The following LRRC49 variants were observed in gnomAD, a reference collection of about 807,000 sequenced individuals.
LRRC49 encodes leucine-rich repeat-containing protein 49.
Under a neutral mutation model 83.3 loss-of-function variants are expected in LRRC49, and 50 were observed. The ratio of observed to expected loss-of-function variants is 0.60; its 90% CI spans 0.48 to 0.76. The LOEUF (loss-of-function observed/expected upper bound fraction) is 0.76, where lower values mean the gene tolerates loss of function less well. Ranked by LOEUF, LRRC49 falls within the 30% of genes least tolerant of loss-of-function variation. The probability of loss-of-function intolerance (pLI) is 0.00; values close to 1 mark genes in which losing one functional copy is unlikely to be tolerated. For missense variants in LRRC49, 704 were observed against 809.1 expected (o/e 0.87, Z 1.58); for synonymous variants, 286 against 283.3 (o/e 1.01, Z -0.10).
intron 9 of LRRC49, among the ~76,000 whole-genome samples, chr15:70,969,107 T>C (rs928980750): frequency 2.0e-5 from 3 of 152,222 alleles, no homozygotes; most frequent in African/African-American, 7.2e-5. Flanking sequence ...AGGGTTTTCA[T>C]GGTTTTAGGT....
intron 11 of LRRC49, among the ~76,000 whole-genome samples, chr15:70,998,581 A>G (rs79128091): frequency 6.6e-6 from 1 of 151,878 alleles, no homozygotes; most frequent in African/African-American, 2.4e-5. Flanking sequence ...CATTATGAGT[A>G]ACTTCTCTCT....
At chr15:70,920,216 C>T (rs559485773) in intron 7 of LRRC49, among the ~76,000 whole-genome samples, 1 of 152,250 alleles carries the variant, frequency 6.6e-6, no homozygotes, top group East Asian at 1.9e-4. Flanking sequence ...ATAAATGGTA[C>T]ACTTGAAAAG....
intron 8 of LRRC49, among the ~76,000 whole-genome samples, chr15:70,948,902 A>G (rs1386315135): frequency 6.6e-6 from 1 of 152,198 alleles, no homozygotes; most frequent in Non-Finnish European, 1.5e-5. Flanking sequence ...GGTATCATAT[A>G]CATGATTCTT....
chr15:70,898,256 T>C, intron 3 of LRRC49: 1 of 600,892 alleles, frequency 1.7e-6, no homozygotes, highest in Non-Finnish European at 3.0e-6. Flanking sequence ...TTTGAGATGC[T>C]ATTTGTATTG....
intron 11 of LRRC49, among the ~76,000 whole-genome samples, chr15:71,004,591 A>C (rs978462570): frequency 6.6e-6 from 1 of 151,634 alleles, no homozygotes; most frequent in African/African-American, 2.4e-5. Flanking sequence ...CGGAGGTTGC[A>C]GTGGGCTGAG....
At chr15:70,871,425 A>ACC (rs1261661864) in intron 1 of LRRC49, among the ~76,000 whole-genome samples, 1 of 150,090 alleles carries the variant, frequency 6.7e-6, no homozygotes, top group Admixed American at 6.6e-5. Flanking sequence ...ACTCGACAAA[A>ACC]CCCCCATCGT....
intron 8 of LRRC49, among the ~76,000 whole-genome samples, chr15:70,952,404 G>A (rs1223247277): frequency 6.6e-6 from 1 of 151,776 alleles, no homozygotes. Flanking sequence ...GCTTTTTTTG[G>A]TTGGTAGACT....
At chr15:70,882,226 G>T in intron 2 of LRRC49, 2 of 407,266 alleles carry the variant, frequency 4.9e-6, no homozygotes, top group Non-Finnish European at 8.7e-6. Context: ...CTACCAAAAG[G>T]ATTAAAAGAA....
At position 70,900,946 on chromosome 15, in the gene LRRC49, C is replaced by T. The variant is rs1350509227; in HGVS notation, c.218C>T (p.Ser73Leu). ...RQGDHINLVSSSLSSFPILQR... is the reference protein window; with the variant it reads ...RQGDHINLVSLSLSSFPILQR... Reference sequence around the variant, plus strand: ...GGTGATCATATTAATTTGGTGAGCTCATCATTGTCATCATTTCCTATTCTT... The same window carrying T: ...GGTGATCATATTAATTTGGTGAGCTTATCATTGTCATCATTTCCTATTCTT... Residue 73 changes from serine to leucine, a missense_variant, in exon 4 of 16, where the codon TCA becomes TTA. By Grantham distance (145) the Ser-to-Leu change is moderately radical. Around this residue, in one of 3 missense-constraint regions of LRRC49, gnomAD observed 261 missense variants for 330.5 expected, o/e 0.79. Transcript: ENST00000260382. The T allele has an allele frequency of 6.2e-7, 1 of 1,606,146 alleles. No individual in the cohort carries two copies. The highest frequency in any genetic ancestry group is 1.7e-5 in the Admixed American group (1 of 59,354).
At chr15:71,006,041 T>C (rs1567095119) in intron 11 of LRRC49, among the ~76,000 whole-genome samples, 1 of 152,186 alleles carries the variant, frequency 6.6e-6, no homozygotes, top group Non-Finnish European at 1.5e-5. Context: ...GCCTGTTTAC[T>C]AGGTGCTAGT....
intron 15 of LRRC49, among the ~76,000 whole-genome samples, chr15:71,048,120 C>T (rs1459798891): frequency 2.2e-5 from 3 of 134,148 alleles, no homozygotes; most frequent in African/African-American, 5.6e-5. Flanking sequence ...AGGTCTCACT[C>T]TGTTACTCAG....
intron 2 of LRRC49, among the ~76,000 whole-genome samples, chr15:70,886,159 A>C (rs910944726): frequency 5.3e-5 from 8 of 152,212 alleles, no homozygotes; most frequent in Non-Finnish European, 1.2e-4. Flanking sequence ...TAAAACTTGT[A>C]AGATTCAGTA....
At chr15:70,940,251 ATTTTTT>A (rs398027829) in intron 8 of LRRC49, among the ~76,000 whole-genome samples, 1 of 87,064 alleles carries the variant, frequency 1.1e-5, no homozygotes. Flanking sequence ...GAATATATGG[ATTTTTT>A]TTTTTTTTTT....
chr15:71,037,478 G>T, intron 15 of LRRC49, 146 bp downstream of exon 15: 1 of 570,480 alleles, frequency 1.8e-6, no homozygotes, highest in Non-Finnish European at 2.9e-6. Flanking sequence ...GCCAGGGACA[G>T]TAGGTACCCA....
At chr15:70,879,793 A>G (rs535006856) in intron 2 of LRRC49, among the ~76,000 whole-genome samples, 131 of 152,318 alleles carry the variant, frequency 8.6e-4, no homozygotes, top group African/African-American at 3.1e-3. Flanking sequence ...TTGACTGAAT[A>G]AGCTTTACAT....
rs1475927139 is a variant in LRRC49 at position 71,009,845 on chromosome 15, G to T, written c.1446G>T (p.Gln482His). ...AGGAAACAAATCTTGTAATGCTGCA[G>T]CAATTTAACGCACTAGCCCAACTCC... ...KFKETNLVMLQQFNALAQLRR... is the reference protein window; with the variant it reads ...KFKETNLVMLHQFNALAQLRR... The change falls in exon 13 of 16, where the codon CAG becomes CAT. Residue 482 changes from glutamine to histidine, a missense_variant. Physicochemically the swap from Gln to His is conservative, Grantham distance 24 (BLOSUM62 0). This residue lies in a region of LRRC49 where 275 missense variants were observed against 338.0 expected (regional missense o/e 0.81). Transcript: ENST00000260382. 6.2e-7 allele frequency: 1 copy of T among 1,612,166 alleles called. No homozygotes were observed. Among genetic ancestry groups the T allele is most frequent in the East Asian group, 2.2e-5 (1 of 44,798 alleles).
chr15:70,957,121 C>G (rs1169957003), intron 8 of LRRC49, among the ~76,000 whole-genome samples: 2 of 152,148 alleles, frequency 1.3e-5, no homozygotes, highest in Admixed American at 6.5e-5. Flanking sequence ...GTGTGTGACA[C>G]CACCCATTCT....
At chr15:70,890,652 G>A (rs2033530810), upstream of LRRC49, among the ~76,000 whole-genome samples, 2 of 152,292 alleles carry the variant, frequency 1.3e-5, no homozygotes, top group South Asian at 4.1e-4. Context: ...CACGAAGAAT[G>A]AGAGTACATA....
chr15:70,916,649 A>G (rs1407642373), intron 6 of LRRC49, among the ~76,000 whole-genome samples: 1 of 152,102 alleles, frequency 6.6e-6, no homozygotes, highest in African/African-American at 2.4e-5. Context: ...TGCTGCCATC[A>G]GGCCAGCTGC....
Sources: allele counts gnomAD v4.1 joint callset (sites outside exome capture counted in the v4.1 genomes callset), GRCh38; gene constraint gnomAD v4.1.1; regional missense constraint gnomAD v4.1.1; transcripts MANE v1.5; gene names NCBI Gene and HGNC (gene_info 2026-07-23, HGNC 2026-07-21).